TLE2: variants seen among roughly 807,000 people sequenced by gnomAD.
TLE2 encodes transducin-like enhancer protein 2.
A neutral mutation model predicts 97.2 loss-of-function variants in TLE2; 74 were observed. That is an observed-to-expected ratio of 0.76 (90% confidence interval 0.63 to 0.92). TLE2 has a LOEUF of 0.92. Among genes scored for constraint, TLE2 ranks in the 40% least tolerant of loss-of-function variants. The pLI is 0.00. For synonymous variants in TLE2, 499 were observed against 432.1 expected, an observed-to-expected ratio of 1.15 and a Z score of -1.92; for missense variants, 1,038 against 1,008.7, an observed-to-expected ratio of 1.03 and a Z score of -0.39.
At position 3,019,489 on chromosome 19, in the gene TLE2, C is replaced by A; in HGVS notation, c.370-26G>T. 1.3e-6 allele frequency: 2 copies of A among 1,492,828 alleles called. No individual in the cohort carries two copies. The highest frequency in any genetic ancestry group is 1.8e-6 in the Non-Finnish European group (2 of 1,124,610). The allele number at this position is 1,492,828 out of a possible 1,614,324, so 92.5% of individuals were successfully genotyped here. A position where few individuals can be genotyped will look rare whatever the true frequency, so the allele number is the denominator to read the frequency against. The stretch of plus-strand genomic sequence containing the variant: ...CTGCTAGAAAGGAGGCAGGATGGGC[C>A]GGGGCGGGGGGCGGCAGGAGCCCAG... On this transcript the variant is annotated intron_variant, in intron 6 of 19. Coordinates refer to ENST00000262953, the MANE Select transcript of TLE2 (RefSeq NM_003260.5). This position sits in a 1 kb window ranked among gnomAD's most constrained non-coding sequence, Gnocchi z 5.1.
upstream of TLE2, among the ~76,000 whole-genome samples, chr19:3,033,322 C>T (rs912974193): frequency 3.9e-5 from 6 of 152,258 alleles, no homozygotes; most frequent in African/African-American, 1.4e-4. Context: ...CGCCCACCAC[C>T]ACGCCCAGCT....
At chr19:3,000,493 G>C (rs35580021) in intron 19 of TLE2, among the ~76,000 whole-genome samples, 154 bp downstream of exon 19, 9,142 of 152,134 alleles carry the variant, frequency 0.06, 388 homozygotes, top group South Asian at 0.12. Context: ...CTCTGCTTTA[G>C]TACCTGGGCG....
chr19:3,014,619 G>A lies in TLE2; in HGVS notation c.679-5C>T, dbSNP rs1172066919. 2 of 1,590,224 alleles carry A rather than the reference G, an allele frequency of 1.3e-6. No homozygotes were observed. The highest frequency in any genetic ancestry group is 2.3e-5 in the South Asian group (2 of 87,196). On this transcript the variant is annotated splice_region_variant and splice_polypyrimidine_tract_variant and intron_variant, in intron 9 of 19. Coordinates refer to ENST00000262953, the MANE Select transcript of TLE2 (RefSeq NM_003260.5). ...ACTCTTGTCTTCGTCGCTTTCCTGG[G>A]GGAAGATGGGGGAGAGAGCTCATTG...
At chr19:3,016,417 T>TAAA (rs2089706022) in intron 8 of TLE2, among the ~76,000 whole-genome samples, 1 of 15,814 alleles carries the variant, frequency 6.3e-5, no homozygotes, top group Non-Finnish European at 1.4e-4. Flanking sequence ...CTACTAAAAA[T>TAAA]ACAAAAAAAA....
At chr19:3,013,470 G>A (rs753724925) in intron 11 of TLE2, among the ~76,000 whole-genome samples, 199 bp downstream of exon 11, 22 of 151,876 alleles carry the variant, frequency 1.4e-4, no homozygotes, top group African/African-American at 5.3e-4. Context: ...TCTTTACAAA[G>A]TTGCCTTTTA....
intron 5 of TLE2, among the ~76,000 whole-genome samples, chr19:3,023,869 G>A (rs2089893024): frequency 6.7e-6 from 1 of 148,252 alleles, no homozygotes; most frequent in African/African-American, 2.5e-5. Context: ...TCCAGCCTGG[G>A]TAACAGAGCA....
At chr19:3,026,523 T>C (rs1448050511) in intron 4 of TLE2, among the ~76,000 whole-genome samples, 1 of 149,700 alleles carries the variant, frequency 6.7e-6, no homozygotes, top group African/African-American at 2.5e-5. Flanking sequence ...AGTTCGGGAA[T>C]AGCCTCAGAA....
At chr19:3,018,664 G>C (rs1008207332) in intron 7 of TLE2, among the ~76,000 whole-genome samples, 1 of 143,834 alleles carries the variant, frequency 7.0e-6, no homozygotes. Context: ...ACTCAGGCTG[G>C]AGTACAGTGG....
chr19:3,010,295 G>A (rs8111622), intron 12 of TLE2, among the ~76,000 whole-genome samples: 4,945 of 151,366 alleles, frequency 0.033, 259 homozygotes, highest in African/African-American at 0.11. Flanking sequence ...ACCTGGGAGC[G>A]GGAGGTTGCA....
chr19:3,028,853 G>A (rs1444306795), intron 1 of TLE2, 28 bp downstream of exon 1: 4 of 1,611,736 alleles, frequency 2.5e-6, no homozygotes, highest in Non-Finnish European at 3.4e-6. Flanking sequence ...CGGACACTGG[G>A]GGCCCCCTCC....
intron 1 of TLE2, among the ~76,000 whole-genome samples, chr19:3,041,032 T>A (rs2090099595): frequency 9.3e-6 from 1 of 107,242 alleles, no homozygotes; most frequent in Non-Finnish European, 2.0e-5. Context: ...TTTTTTTTTT[T>A]TTTTTTTTTT....
intron 10 of TLE2, among the ~76,000 whole-genome samples, chr19:3,014,103 A>G (rs1272126583): frequency 6.6e-6 from 1 of 151,662 alleles, no homozygotes; most frequent in African/African-American, 2.4e-5. Flanking sequence ...TATTTTTAGT[A>G]GAGACAAGGT....
intron 17 of TLE2, among the ~76,000 whole-genome samples, chr19:3,002,731 C>T (rs1040140333): frequency 1.3e-5 from 2 of 151,602 alleles, no homozygotes; most frequent in South Asian, 4.2e-4. Context: ...CAGAGTCTCA[C>T]TGTGTCACCC....
chr19:3,026,125 A>T (rs2145204412), intron 4 of TLE2, among the ~76,000 whole-genome samples: 1 of 152,248 alleles, frequency 6.6e-6, no homozygotes, highest in African/African-American at 2.4e-5. Flanking sequence ...AGGATTAAGC[A>T]TGGACCACTA....
chr19:3,032,856 C>T (rs2090035681), upstream of TLE2, among the ~76,000 whole-genome samples: 1 of 152,138 alleles, frequency 6.6e-6, no homozygotes, highest in African/African-American at 2.4e-5. The surrounding 1 kb of genome is among the most constrained non-coding windows in gnomAD (Gnocchi z 4.1). Context: ...GCCAACATCT[C>T]CCCTGCCTGG....
At chr19:3,003,131 G>A (rs2089401966) in intron 17 of TLE2, among the ~76,000 whole-genome samples, 1 of 152,184 alleles carries the variant, frequency 6.6e-6, no homozygotes, top group African/African-American at 2.4e-5. Flanking sequence ...GCAGACAACT[G>A]CATGTCGAAT....
At chr19:3,003,794 T>TC (rs1203529896) in intron 17 of TLE2, among the ~76,000 whole-genome samples, 2 of 151,810 alleles carry the variant, frequency 1.3e-5, no homozygotes, top group Non-Finnish European at 1.5e-5. Flanking sequence ...AGCCTCAACC[T>TC]CCTCCCATGC....
chr19:2,999,682 G>A (rs1176931662), intron 19 of TLE2, among the ~76,000 whole-genome samples: 3 of 148,094 alleles, frequency 2.0e-5, no homozygotes, highest in Non-Finnish European at 4.4e-5. Flanking sequence ...AGCAGAGATA[G>A]TGCCGCTGCA....
chr19:3,008,917 C>T lies in TLE2; in HGVS notation c.1202G>A (p.Arg401Gln), dbSNP rs778236517. ...VMAFESHPHL[R>Q]GSSVSSSLPS... Reference sequence around the variant, plus strand: ...TAGGGAGGAAGAGACGGATGACCCTCGGAGATGGGGATGAGACTCAAATGC... The same window carrying T: ...TAGGGAGGAAGAGACGGATGACCCTTGGAGATGGGGATGAGACTCAAATGC... Residue 401 changes from arginine to glutamine, a missense_variant, in exon 14 of 20, where the codon CGA becomes CAA. Transcript: ENST00000262953. The T allele has an allele frequency of 1.3e-5, 21 of 1,594,412 alleles. No individual in the cohort carries two copies. The highest frequency in any genetic ancestry group is 1.7e-4 in the Middle Eastern group (1 of 6,042).
Sources: allele counts gnomAD v4.1 joint callset (sites outside exome capture counted in the v4.1 genomes callset), GRCh38; gene constraint gnomAD v4.1.1; non-coding constraint Gnocchi (gnomAD v3.1); transcripts MANE v1.5; gene names NCBI Gene and HGNC (gene_info 2026-07-23, HGNC 2026-07-21).